The following PIGK variants were observed in gnomAD, a reference collection of about 807,000 sequenced individuals.
The protein encoded by PIGK is GPI-anchor transamidase.
Under a neutral mutation model 50.6 loss-of-function variants are expected in PIGK, and 42 were observed. The ratio of observed to expected loss-of-function variants is 0.83; its 90% CI spans 0.65 to 1.07. The LOEUF (loss-of-function observed/expected upper bound fraction) is 1.07, where lower values mean the gene tolerates loss of function less well. PIGK is among the 50% of genes least tolerant of loss of function. The pLI is 0.00. For synonymous variants in PIGK, 151 were observed against 156.0 expected (o/e 0.97, Z 0.24); for missense variants, 448 against 488.7 (o/e 0.92, Z 0.78).
intron 10 of PIGK, among the ~76,000 whole-genome samples, chr1:77,099,384 GTATGTCTTACTT>G (rs1420295172): frequency 6.6e-6 from 1 of 152,064 alleles, no homozygotes; most frequent in Non-Finnish European, 1.5e-5. Flanking sequence ...TCTACAATGA[GTATGTCTTACTT>G]TAGTTATTTT....
At chr1:77,096,891 T>C (rs1653419085) in intron 10 of PIGK, among the ~76,000 whole-genome samples, 1 of 137,530 alleles carries the variant, frequency 7.3e-6, no homozygotes, top group Non-Finnish European at 1.6e-5. Flanking sequence ...CTTTTTTTTT[T>C]TTTTTTGTTT....
In PIGK at chr1:77,092,178, A is replaced by G; in HGVS notation, c.*196T>C. The G allele has an allele frequency of 2.8e-6, 1 of 363,146 alleles. No homozygotes were observed. The highest frequency in any genetic ancestry group is 5.3e-5 in the East Asian group (1 of 18,904). The allele number at this position is 363,146 out of a possible 1,614,324, so 22.5% of individuals were successfully genotyped here. ...ATAATACACAAAATACAAAACTGGA[A>G]TATATTTAGTGCCATTAAGCAGTTG... On this transcript the variant is annotated 3_prime_UTR_variant, in exon 11 of 11. Coordinates refer to ENST00000370812, the MANE Select transcript of PIGK (RefSeq NM_005482.3).
intron 9 of PIGK, among the ~76,000 whole-genome samples, chr1:77,140,571 TGG>T (rs879819929): frequency 8.5e-4 from 129 of 152,282 alleles, no homozygotes; most frequent in Non-Finnish European, 1.3e-3. Context: ...AAGGTAAAAG[TGG>T]GTTTTTTCAT....
intron 3 of PIGK, among the ~76,000 whole-genome samples, chr1:77,201,554 G>C (rs1373332459): frequency 2.0e-5 from 3 of 152,136 alleles, no homozygotes; most frequent in Non-Finnish European, 4.4e-5. Flanking sequence ...GAGGCCAGGA[G>C]TGTGAGACCA....
chr1:77,123,562 G>GAA (rs376448397), intron 9 of PIGK, among the ~76,000 whole-genome samples: 1 of 147,650 alleles, frequency 6.8e-6, no homozygotes, highest in Non-Finnish European at 1.5e-5. Context: ...ACTAATGATG[G>GAA]AAAAAAAAAA....
chr1:77,215,496 T>C (rs1040694295), intron 1 of PIGK, among the ~76,000 whole-genome samples: 1 of 152,150 alleles, frequency 6.6e-6, no homozygotes, highest in African/African-American at 2.4e-5. Context: ...ATAGCCACTA[T>C]AGTGAACAGT....
intron 9 of PIGK, among the ~76,000 whole-genome samples, chr1:77,140,377 T>G (rs1019906814): frequency 1.3e-5 from 2 of 151,568 alleles, no homozygotes; most frequent in African/African-American, 4.8e-5. Flanking sequence ...CCGGTTCTCA[T>G]TCCTATTCTC....
At chr1:77,191,449 C>T (rs192791618) in intron 3 of PIGK, among the ~76,000 whole-genome samples, 2 of 152,260 alleles carry the variant, frequency 1.3e-5, no homozygotes, top group African/African-American at 2.4e-5. Flanking sequence ...CCTTGCTTAG[C>T]ACCAAAAGAT....
chr1:77,190,403 AAAAAAG>A (rs892946840), intron 3 of PIGK, among the ~76,000 whole-genome samples: 4 of 152,186 alleles, frequency 2.6e-5, no homozygotes, highest in Non-Finnish European at 4.4e-5. Context: ...CTTGTCTCAA[AAAAAAG>A]AAAAAGAAAA....
intron 10 of PIGK, among the ~76,000 whole-genome samples, chr1:77,093,368 T>C (rs1394753419): frequency 6.6e-6 from 1 of 152,094 alleles, no homozygotes; most frequent in African/African-American, 2.4e-5. Context: ...TACAGCCTTG[T>C]AATTGGAAGT....
chr1:77,144,230 T>A lies in PIGK; in HGVS notation c.986+10219A>T, dbSNP rs577873665. On this transcript the variant is annotated intron_variant, in intron 9 of 10. Coordinates refer to ENST00000370812, the MANE Select transcript of PIGK (RefSeq NM_005482.3). ...AATGGTAAGATTTAATTTAGTGGAG[T>A]GGAACAATAATATTACAATTAGTGC... Among the ~76,000 whole-genome samples, 5 of 151,892 alleles carry A rather than the reference T, an allele frequency of 3.3e-5. No individual in the cohort carries two copies. In the South Asian group the frequency reaches 1.0e-3, roughly 32 times the overall value.
intron 9 of PIGK, among the ~76,000 whole-genome samples, chr1:77,127,401 G>A (rs839837): frequency 0.038 from 5,750 of 152,192 alleles, 276 homozygotes; most frequent in African/African-American, 0.11. Context: ...GACAATTCAC[G>A]TATAAAATAA....
chr1:77,092,276 C>A lies in PIGK; in HGVS notation c.*98G>T. 1.7e-6 allele frequency: 1 copy of A among 580,938 alleles called. No individual in the cohort carries two copies. Among genetic ancestry groups the A allele is most frequent in the Non-Finnish European group, 3.0e-6 (1 of 330,906 alleles). The allele number at this position is 580,938 out of a possible 1,614,324, so 36.0% of individuals were successfully genotyped here. On this transcript the variant is annotated 3_prime_UTR_variant, in exon 11 of 11. Transcript: ENST00000370812. ...AATTTAGTTTCCTTATACTTATTTC[C>A]AATTCATACAAGAGAAACACATTTT...
chr1:77,103,912 AG>A (rs1653608762), intron 10 of PIGK, among the ~76,000 whole-genome samples: 1 of 152,032 alleles, frequency 6.6e-6, no homozygotes, highest in Admixed American at 6.6e-5. Context: ...AAGCTCCTTC[AG>A]GGTTGGGAAT....
intron 9 of PIGK, among the ~76,000 whole-genome samples, chr1:77,148,844 A>G (rs1257182913): frequency 6.6e-6 from 1 of 151,758 alleles, no homozygotes; most frequent in East Asian, 1.9e-4. Flanking sequence ...CCTCTTAAGT[A>G]GCTGGGACTA....
chr1:77,155,367 T>C (rs1654984907), intron 8 of PIGK, among the ~76,000 whole-genome samples: 2 of 152,194 alleles, frequency 1.3e-5, no homozygotes, highest in African/African-American at 2.4e-5. Context: ...GACAGACATA[T>C]ATTCACTCAC....
At chr1:77,104,241 A>C (rs1166874410) in intron 10 of PIGK, among the ~76,000 whole-genome samples, 1 of 152,174 alleles carries the variant, frequency 6.6e-6, no homozygotes, top group Non-Finnish European at 1.5e-5. Flanking sequence ...ACATACAGCC[A>C]GGAGGAAAAA....
At position 77,090,120 on chromosome 1, in the gene PIGK, A is replaced by G. The variant is rs1009462988; in HGVS notation, c.*2254T>C. 1 of 152,244 alleles carries G rather than the reference A, an allele frequency of 6.6e-6. No individual in the cohort carries two copies. Among genetic ancestry groups the G allele is most frequent in the African/African-American group, 2.4e-5 (1 of 41,474 alleles). The allele number at this position is 152,244 out of a possible 1,614,324, so 9.4% of individuals were successfully genotyped here. A position where few individuals can be genotyped will look rare whatever the true frequency, so the allele number is the denominator to read the frequency against. On this transcript the variant is annotated 3_prime_UTR_variant, in exon 11 of 11. Coordinates refer to ENST00000370812, the MANE Select transcript of PIGK (RefSeq NM_005482.3). The stretch of plus-strand genomic sequence containing the variant: ...TTCAGAAGTGTTTAGTCAAAATACT[A>G]TCTCATCTGATTCTCACCACAACAC...
At chr1:77,165,286 C>G (rs1570235874) in intron 5 of PIGK, among the ~76,000 whole-genome samples, 2 of 152,062 alleles carry the variant, frequency 1.3e-5, no homozygotes, top group African/African-American at 4.8e-5. Context: ...TGCACTTCAT[C>G]TTGTTTGCCA....
Sources: allele counts gnomAD v4.1 joint callset (sites outside exome capture counted in the v4.1 genomes callset), GRCh38; gene constraint gnomAD v4.1.1; transcripts MANE v1.5; gene names NCBI Gene and HGNC (gene_info 2026-07-23, HGNC 2026-07-21).